Variants in NCMAP observed in about 807,000 individuals in gnomAD.
The protein encoded by NCMAP is non-compact myelin associated protein.
NCMAP carries 8 observed loss-of-function variants against 7.8 expected under a neutral mutation model. That is an observed-to-expected ratio of 1.02 (90% confidence interval 0.60 to 1.84). The LOEUF (loss-of-function observed/expected upper bound fraction) is 1.84. NCMAP is among the 40% of genes most tolerant of loss of function. NCMAP has a pLI of 0.00. For missense variants in NCMAP, 112 were observed against 131.4 expected (o/e 0.85, Z 0.72); for synonymous variants, 41 against 52.9 (o/e 0.78, Z 0.98).
chr1:24,569,007 ATTTGTTTTGT>A (rs965997215), intron 1 of NCMAP, among the ~76,000 whole-genome samples: 1 of 145,580 alleles, frequency 6.9e-6, no homozygotes, highest in African/African-American at 2.5e-5. Flanking sequence ...TTCCTAATAT[ATTTGTTTTGT>A]TTTGTTTTGT....
rs936719141 is a variant in NCMAP at position 24,607,800 on chromosome 1, G to T, written c.*2053G>T. On this transcript the variant is annotated 3_prime_UTR_variant, in exon 4 of 4. Coordinates refer to ENST00000374392, the MANE Select transcript of NCMAP (RefSeq NM_001010980.5). ...AATCACTTGAACCTGGAAGGCAGAG[G>T]TTGCAGTGAGCCAAGATCGTGCCAC... 1 of 152,376 alleles carries T rather than the reference G, an allele frequency of 6.6e-6. No individual in the cohort carries two copies. The highest frequency in any genetic ancestry group is 1.5e-5 in the Non-Finnish European group (1 of 68,152). The allele number at this position is 152,376 out of a possible 1,614,324, so 9.4% of individuals were successfully genotyped here.
At chr1:24,588,420 T>C (rs1002257381) in intron 1 of NCMAP, among the ~76,000 whole-genome samples, 3 of 152,174 alleles carry the variant, frequency 2.0e-5, no homozygotes, top group Non-Finnish European at 4.4e-5. Flanking sequence ...GTGGGTTACC[T>C]GCTCTGAGTT....
At chr1:24,572,547 G>A (rs1419137453) in intron 1 of NCMAP, among the ~76,000 whole-genome samples, 10 of 150,536 alleles carry the variant, frequency 6.6e-5, no homozygotes, top group Admixed American at 6.6e-4. Context: ...CCCCGTGCCA[G>A]GGCCGGCTCT....
intron 1 of NCMAP, among the ~76,000 whole-genome samples, chr1:24,557,075 A>G (rs1203786194): frequency 6.6e-6 from 1 of 152,148 alleles, no homozygotes; most frequent in African/African-American, 2.4e-5. Context: ...TATAGTAGGC[A>G]CTCAATGAAC....
intron 1 of NCMAP, among the ~76,000 whole-genome samples, chr1:24,587,729 T>C (rs1651932871): frequency 6.6e-6 from 1 of 151,994 alleles, no homozygotes; most frequent in Non-Finnish European, 1.5e-5. Flanking sequence ...TCCAGGCTGG[T>C]CTCGAACTCC....
chr1:24,557,361 C>T (rs952333819), intron 1 of NCMAP, among the ~76,000 whole-genome samples: 1 of 152,112 alleles, frequency 6.6e-6, no homozygotes, highest in Middle Eastern at 3.4e-3. Context: ...AGATTATAGG[C>T]ACCCCCTCTT....
At chr1:24,602,414 C>CA (rs1214890789) in intron 3 of NCMAP, among the ~76,000 whole-genome samples, 3 of 138,324 alleles carry the variant, frequency 2.2e-5, no homozygotes, top group Non-Finnish European at 1.5e-5. Flanking sequence ...ACTAAAAATA[C>CA]AAAAAATTAG....
At position 24,587,934 on chromosome 1, in the gene NCMAP, CTTTTTCTTTTAT is replaced by C. The variant is rs571241471; in HGVS notation, c.-7-7472_-7-7461del. The stretch of plus-strand genomic sequence containing the variant: ...AGATGCCAATATGAAGGTCAATTTT[CTTTTTCTTTTAT>C]TTTTTCTTTTATTTTTTTTTAGGAG... On this transcript the variant is annotated intron_variant, in intron 1 of 3. Transcript: ENST00000374392. Among the ~76,000 whole-genome samples, 286 of 152,100 alleles carry C rather than the reference CTTTTTCTTTTAT, an allele frequency of 1.9e-3. 2 individuals carry two copies. The highest frequency in any genetic ancestry group is 6.3e-3 in the African/African-American group (263 of 41,504).
intron 2 of NCMAP, among the ~76,000 whole-genome samples, chr1:24,597,095 T>C (rs1249922669): frequency 6.6e-6 from 1 of 152,092 alleles, no homozygotes; most frequent in African/African-American, 2.4e-5. Flanking sequence ...GCTGGCTGGG[T>C]GGGCAGACCT....
At position 24,606,149 on chromosome 1, in the gene NCMAP, G is replaced by C. The variant is rs999824474; in HGVS notation, c.*402G>C. 3 of 167,062 alleles carry C rather than the reference G, an allele frequency of 1.8e-5. No individual in the cohort carries two copies. Among genetic ancestry groups the C allele is most frequent in the African/African-American group, 7.1e-5 (3 of 42,066 alleles). The allele number at this position is 167,062 out of a possible 1,614,324, so 10.3% of individuals were successfully genotyped here. ...CGGGGTTCATATCAGATGAAGCGCCGTATCCACTGCTTCACAGAGCAAAAC... is the reference window on the plus strand; with the variant it reads ...CGGGGTTCATATCAGATGAAGCGCCCTATCCACTGCTTCACAGAGCAAAAC... On this transcript the variant is annotated 3_prime_UTR_variant, in exon 4 of 4. Transcript: ENST00000374392.
Position 24,576,596 on chromosome 1 carries a change from G to A in NCMAP, c.-7-18828G>A, listed in dbSNP as rs1570522363. ...AAGGAGGAAGGGGCCAGAGAGGGAG[G>A]TCCCTGGTCCCCAGCTGTTCAGTTT... On this transcript the variant is annotated intron_variant, in intron 1 of 3. Transcript: ENST00000374392. This position sits in a 1 kb window ranked among gnomAD's most constrained non-coding sequence, Gnocchi z 4.0. Among the ~76,000 whole-genome samples the A allele has an allele frequency of 6.6e-6, 1 of 152,162 alleles. No homozygotes were observed. Among genetic ancestry groups the A allele is most frequent in the Admixed American group, 6.5e-5 (1 of 15,280 alleles).
Position 24,601,001 on chromosome 1 carries a change from G to T in NCMAP, c.144G>T (p.Leu48=). Residue 48 remains leucine (L), a synonymous_variant, in exon 3 of 4, where the codon CTG becomes CTT. Coordinates refer to ENST00000374392, the MANE Select transcript of NCMAP (RefSeq NM_001010980.5). The part of the protein sequence containing the change: ...VVVIIIFTVV[L]ILLKMYNRKM... ...TCATCATCATCTTCACCGTGGTTCTGATCCTGCTGAAGATGTACAACAGGT... is the reference window on the plus strand; with the variant it reads ...TCATCATCATCTTCACCGTGGTTCTTATCCTGCTGAAGATGTACAACAGGT... 6.2e-7 allele frequency: 1 copy of T among 1,614,146 alleles called. No homozygotes were observed.
intron 1 of NCMAP, among the ~76,000 whole-genome samples, chr1:24,573,123 G>C (rs1651439592): frequency 6.6e-6 from 1 of 150,608 alleles, no homozygotes; most frequent in South Asian, 2.1e-4. Context: ...CTGTCTATGG[G>C]GCAGACCTGG....
chr1:24,601,823 G>A (rs1473157718), intron 3 of NCMAP, among the ~76,000 whole-genome samples: 4 of 152,124 alleles, frequency 2.6e-5, no homozygotes, highest in Admixed American at 1.3e-4. Context: ...GGCAGATAAC[G>A]AGGTCAGGAG....
intron 2 of NCMAP, among the ~76,000 whole-genome samples, chr1:24,599,540 T>C (rs540727092): frequency 1.1e-4 from 16 of 152,296 alleles, no homozygotes; most frequent in African/African-American, 3.8e-4. Context: ...AAGATGATTA[T>C]GATATTGTTA....
intron 1 of NCMAP, among the ~76,000 whole-genome samples, chr1:24,569,006 T>C (rs551975711): frequency 1.4e-5 from 2 of 147,386 alleles, no homozygotes; most frequent in African/African-American, 2.5e-5. Flanking sequence ...ATTCCTAATA[T>C]ATTTGTTTTG....
At chr1:24,591,331 T>C (rs1262938988) in intron 1 of NCMAP, among the ~76,000 whole-genome samples, 1 of 152,064 alleles carries the variant, frequency 6.6e-6, no homozygotes, top group African/African-American at 2.4e-5. Flanking sequence ...AGTGGCGCAA[T>C]CTTGGCTCAC....
intron 1 of NCMAP, among the ~76,000 whole-genome samples, chr1:24,578,654 C>T (rs1262168842): frequency 6.7e-6 from 1 of 150,218 alleles, no homozygotes; most frequent in Non-Finnish European, 1.5e-5. Context: ...CCTCAACGTC[C>T]TGGGCTCAAG....
At chr1:24,577,956 A>G (rs541408906) in intron 1 of NCMAP, among the ~76,000 whole-genome samples, 128 of 152,206 alleles carry the variant, frequency 8.4e-4, no homozygotes, top group African/African-American at 3.0e-3. Flanking sequence ...GAATTAGAAA[A>G]GAGGTCTAAA....
Sources: gnomAD v4.1 joint callset for allele counts (sites outside exome capture counted in the v4.1 genomes callset) on GRCh38, gnomAD v4.1.1 for gene constraint, Gnocchi (gnomAD v3.1) non-coding constraint, MANE v1.5 for transcripts, NCBI Gene and HGNC (gene_info 2026-07-23, HGNC 2026-07-21) for gene names.